PCDHGA5: variants seen among roughly 807,000 people sequenced by gnomAD.
PCDHGA5 encodes protocadherin gamma-A5.
Under a neutral mutation model 56.7 loss-of-function variants are expected in PCDHGA5, and 36 were observed. That is an observed-to-expected ratio of 0.64 (90% confidence interval 0.49 to 0.84). PCDHGA5 has a LOEUF of 0.84. PCDHGA5 is among the 40% of genes least tolerant of loss of function. The pLI, the probability that PCDHGA5 is intolerant of heterozygous loss-of-function variation, is 0.00. For synonymous variants in PCDHGA5, 563 were observed against 520.2 expected (o/e 1.08, Z -1.12); for missense variants, 1,305 against 1,201.5 (o/e 1.09, Z -1.27).
chr5:141,494,194 G>A (rs1446357035), intron 1 of PCDHGA5, among the ~76,000 whole-genome samples: 2 of 152,182 alleles, frequency 1.3e-5, no homozygotes, highest in Non-Finnish European at 2.9e-5. Flanking sequence ...GGACTTGGAT[G>A]CCCCGCAAAG....
At chr5:141,460,741 A>G (rs1378900827) in intron 1 of PCDHGA5, among the ~76,000 whole-genome samples, 1 of 152,128 alleles carries the variant, frequency 6.6e-6, no homozygotes, top group Non-Finnish European at 1.5e-5. Flanking sequence ...CACATTGTAT[A>G]TATATGTGTA....
Position 141,372,054 on chromosome 5 carries a change from G to T in PCDHGA5, c.2421+5303G>T, listed in dbSNP as rs377450479. On this transcript the variant is annotated intron_variant, in intron 1 of 3. Transcript: ENST00000518069. ...CGTGAGCCTGCGCGTGTTGGTGGAC[G>T]ACCGCAACGACAATGCACCGCTGGT... The T allele has an allele frequency of 7.4e-6, 12 of 1,613,396 alleles. No individual in the cohort carries two copies. In the African/African-American group the frequency reaches 8.0e-5, roughly 11 times the overall value.
chr5:141,388,256 G>T, intron 1 of PCDHGA5: 1 of 1,611,074 alleles, frequency 6.2e-7, no homozygotes, highest in Non-Finnish European at 8.5e-7. Flanking sequence ...TGGAGATCGA[G>T]GACATTAATG....
intron 1 of PCDHGA5, among the ~76,000 whole-genome samples, chr5:141,446,411 G>A (rs778985047): frequency 1.3e-5 from 2 of 152,086 alleles, no homozygotes; most frequent in Non-Finnish European, 2.9e-5. Flanking sequence ...TTGAGTTCCA[G>A]CCATGTTCAT....
At chr5:141,467,643 C>G (rs2099147861) in intron 1 of PCDHGA5, among the ~76,000 whole-genome samples, 1 of 152,112 alleles carries the variant, frequency 6.6e-6, no homozygotes, top group Non-Finnish European at 1.5e-5. Flanking sequence ...TTATCATGTA[C>G]CAAACTTCTA....
intron 1 of PCDHGA5, chr5:141,383,004 G>C: frequency 6.2e-7 from 1 of 1,613,698 alleles, no homozygotes; most frequent in Non-Finnish European, 8.5e-7. Flanking sequence ...TCTACTCCGT[G>C]TCGGAGGAGA....
chr5:141,433,001 G>T, intron 1 of PCDHGA5: 1 of 1,614,156 alleles, frequency 6.2e-7, no homozygotes, highest in African/African-American at 1.3e-5. Flanking sequence ...CGGGGTGCAG[G>T]CTTTCCTGCA....
chr5:141,371,887 C>G (rs372336757), intron 1 of PCDHGA5: 41 of 1,613,306 alleles, frequency 2.5e-5, no homozygotes, highest in Non-Finnish European at 3.4e-5. Context: ...GACCTGGAGC[C>G]GCGGGAGCTG....
chr5:141,448,179 G>C (rs763996329), intron 1 of PCDHGA5, among the ~76,000 whole-genome samples: 1 of 151,982 alleles, frequency 6.6e-6, no homozygotes, highest in Non-Finnish European at 1.5e-5. Context: ...ATTCATCCCT[G>C]GTTATGTACA....
At chr5:141,408,651 C>G (rs373860648) in intron 1 of PCDHGA5, 3 of 1,614,012 alleles carry the variant, frequency 1.9e-6, no homozygotes, top group South Asian at 1.1e-5. Context: ...TCCGCTGGTA[C>G]ACGACTATCG....
intron 1 of PCDHGA5, among the ~76,000 whole-genome samples, chr5:141,445,978 TTATAAA>T (rs551337386): frequency 6.6e-6 from 1 of 152,272 alleles, no homozygotes; most frequent in East Asian, 1.9e-4. Context: ...TTTATGAGGG[TTATAAA>T]TAGAAATAGG....
chr5:141,407,089 TTTTA>T (rs2094885755), intron 1 of PCDHGA5, among the ~76,000 whole-genome samples: 2 of 152,196 alleles, frequency 1.3e-5, no homozygotes, highest in South Asian at 4.1e-4. Flanking sequence ...TGAAGAATTG[TTTTA>T]TTTGTTTGTA....
intron 1 of PCDHGA5, among the ~76,000 whole-genome samples, chr5:141,480,949 G>A (rs949853273): frequency 2.0e-4 from 30 of 152,136 alleles, no homozygotes; most frequent in African/African-American, 4.6e-4. Flanking sequence ...AGAGGCTGAG[G>A]CGGAAGCATC....
rs767892593 is a variant in PCDHGA5, at chr5:141,400,152, T to C, written c.2421+33401T>C. 8 of 1,614,064 alleles carry C rather than the reference T, an allele frequency of 5.0e-6. 1 individual carries two copies. In the South Asian group the frequency reaches 6.6e-5, roughly 13 times the overall value. Reference sequence around the variant, plus strand: ...TGCTGCCGGATATCACTGACCGCCCTGTACCCTCTGACCCCCAGGCTGAGC... The same window carrying C: ...TGCTGCCGGATATCACTGACCGCCCCGTACCCTCTGACCCCCAGGCTGAGC... On this transcript the variant is annotated intron_variant, in intron 1 of 3. Transcript: ENST00000518069.
At position 141,432,395 on chromosome 5, in the gene PCDHGA5, G is replaced by T. The variant is rs748660079; in HGVS notation, c.2422-62412G>T. On this transcript the variant is annotated intron_variant, in intron 1 of 3. Coordinates refer to ENST00000518069, the MANE Select transcript of PCDHGA5 (RefSeq NM_018918.3). This position sits in a 1 kb window ranked among gnomAD's most constrained non-coding sequence, Gnocchi z 6.0. ...CGGGCACCCGCCCCTCAGCAGCAAC[G>T]TGTCGTTGAGCCTGTTCGTGCTGGA... 5 of 1,614,242 alleles carry T rather than the reference G, an allele frequency of 3.1e-6. No individual in the cohort carries two copies. In the East Asian group the frequency reaches 8.9e-5, roughly 29 times the overall value.
chr5:141,393,898 C>T lies in PCDHGA5; in HGVS notation c.2421+27147C>T, dbSNP rs182092307. On this transcript the variant is annotated intron_variant, in intron 1 of 3. Transcript: ENST00000518069. ...AGCCCAGTGTTAGAAAATTCTCTTC[C>T]CGGGACAGTAATTGCCTTCTTGAGT... The T allele has an allele frequency of 3.0e-5, 49 of 1,613,956 alleles. No individual in the cohort carries two copies. The African/African-American group carries it at 5.1e-4, about 17-fold the overall frequency.
Position 141,374,601 on chromosome 5 carries a change from G to C in PCDHGA5, c.2421+7850G>C, listed in dbSNP as rs772584663. 6.1e-5 allele frequency: 98 copies of C among 1,613,558 alleles called. No homozygotes were observed. Among genetic ancestry groups the C allele is most frequent in the Non-Finnish European group, 8.1e-5 (96 of 1,179,756 alleles). ...AACTCCCTTCAGGGATTTAAGCTCA[G>C]TGGTAATAGTCACTTCTCAGTGGAC... is the stretch of plus-strand genomic sequence containing the variant. On this transcript the variant is annotated intron_variant, in intron 1 of 3. Transcript: ENST00000518069.
At position 141,491,645 on chromosome 5, in the gene PCDHGA5, C is replaced by T; in HGVS notation, c.2422-3162C>T. On this transcript the variant is annotated intron_variant, in intron 1 of 3. Transcript: ENST00000518069. The surrounding 1 kb of genome is among the most constrained non-coding windows in gnomAD (Gnocchi z 6.9). ...AGCGTTCAGCAGCCCACAGCTCTGG[C>T]GCTGGAGCCTGACGCCATCCGGTCC... 1.2e-6 allele frequency: 2 copies of T among 1,613,890 alleles called. No homozygotes were observed. Among genetic ancestry groups the T allele is most frequent in the African/African-American group, 1.3e-5 (1 of 75,082 alleles).
chr5:141,364,220 C>A lies in PCDHGA5; in HGVS notation c.-111C>A. On this transcript the variant is annotated 5_prime_UTR_variant, in exon 1 of 4. Coordinates refer to ENST00000518069, the MANE Select transcript of PCDHGA5 (RefSeq NM_018918.3). The stretch of plus-strand genomic sequence containing the variant: ...AGACCAGACAAGCTCCTACGAAAAG[C>A]CAACGCTCCACGCCCATTTTCGTCA... 1.5e-6 allele frequency: 2 copies of A among 1,327,422 alleles called. No homozygotes were observed. The highest frequency in any genetic ancestry group is 3.3e-5 in the South Asian group (2 of 60,130). The allele number at this position is 1,327,422 out of a possible 1,614,324, so 82.2% of individuals were successfully genotyped here.
Sources: gnomAD v4.1 joint callset for allele counts (sites outside exome capture counted in the v4.1 genomes callset) on GRCh38, gnomAD v4.1.1 for gene constraint, Gnocchi (gnomAD v3.1) non-coding constraint, MANE v1.5 for transcripts, NCBI Gene and HGNC (gene_info 2026-07-23, HGNC 2026-07-21) for gene names.